The following ITPR3 variants were observed in gnomAD, a reference collection of about 807,000 sequenced individuals.
ITPR3 encodes inositol 1,4,5-trisphosphate-gated calcium channel ITPR3.
Under a neutral mutation model 293.2 loss-of-function variants are expected in ITPR3, and 173 were observed. The observed-to-expected ratio is 0.59, with a 90% CI of 0.52 to 0.67. The LOEUF (loss-of-function observed/expected upper bound fraction) is 0.67, where lower values mean the gene tolerates loss of function less well. Ranked by LOEUF, ITPR3 falls within the 30% of genes least tolerant of loss-of-function variation. The pLI, the probability that ITPR3 is intolerant of heterozygous loss-of-function variation, is 0.00. For missense variants in ITPR3, 2,796 were observed against 3,592.1 expected, an observed-to-expected ratio of 0.78 and a Z score of 5.66; for synonymous variants, 1,295 against 1,444.4, an observed-to-expected ratio of 0.90 and a Z score of 2.35.
At chr6:33,628,694 TC>T (rs1430899300) in intron 1 of ITPR3, among the ~76,000 whole-genome samples, 3 of 152,120 alleles carry the variant, frequency 2.0e-5, no homozygotes, top group Non-Finnish European at 4.4e-5. Context: ...TGCAGAGGCT[TC>T]AGTGAGGGAG....
Position 33,677,015 on chromosome 6 carries a change from C to A in ITPR3, c.3448C>A (p.Arg1150Ser). The A allele has an allele frequency of 6.2e-7, 1 of 1,614,122 alleles. No homozygotes were observed. Among genetic ancestry groups the A allele is most frequent in the Non-Finnish European group, 8.5e-7 (1 of 1,179,982 alleles). Residue 1150 changes from arginine to serine, a missense_variant and splice_region_variant, in exon 27 of 58, where the codon CGT becomes AGT. Arg to Ser is a moderately radical substitution (Grantham distance 110). Around this residue, in one of 8 missense-constraint regions of ITPR3, gnomAD observed 344 missense variants for 460.3 expected, o/e 0.75. Coordinates refer to ENST00000605930, the MANE Select transcript of ITPR3 (RefSeq NM_002224.4). ...ATCTCCTTCCTCTCTCTGCTTTCAG[C>A]GTCCCACGGACGAGGAGGGCTTTCT... is the stretch of plus-strand genomic sequence containing the variant. ...EAGAAKDKKE[R>S]PTDEEGFLHP...
At position 33,695,898 on chromosome 6, in the gene ITPR3, C is replaced by CTGGGTG; in HGVS notation, c.*119_*120insGGGTGT. On this transcript the variant is annotated 3_prime_UTR_variant, in exon 58 of 58. Transcript: ENST00000605930. The stretch of plus-strand genomic sequence containing the variant: ...GCCAGCTGGCCAGCCTCCACTCCCA[C>CTGGGTG]TCTGCCAGACACCCTGACACCCACC... 1.1e-6 allele frequency: 1 copy of CTGGGTG among 897,324 alleles called. No homozygotes were observed. The highest frequency in any genetic ancestry group is 1.8e-6 in the Non-Finnish European group (1 of 561,896). The allele number at this position is 897,324 out of a possible 1,614,324, so 55.6% of individuals were successfully genotyped here.
Position 33,621,506 on chromosome 6 carries a change from C to T in ITPR3, c.-97C>T. 2 of 824,574 alleles carry T rather than the reference C, an allele frequency of 2.4e-6. No individual in the cohort carries two copies. The highest frequency in any genetic ancestry group is 4.0e-6 in the Non-Finnish European group (2 of 506,302). The allele number at this position is 824,574 out of a possible 1,614,324, so 51.1% of individuals were successfully genotyped here. A position where few individuals can be genotyped will look rare whatever the true frequency, so the allele number is the denominator to read the frequency against. ...CGTCGGGATCCGAGGTGGGAGCGTA[C>T]CCCTCCCCGCTCCCCGGACGCCTCA... On this transcript the variant is annotated 5_prime_UTR_variant, in exon 1 of 58. Transcript: ENST00000605930. This position sits in a 1 kb window ranked among gnomAD's most constrained non-coding sequence, Gnocchi z 7.7.
In ITPR3 at chr6:33,640,455, C is replaced by T. The variant is rs562198727; in HGVS notation, c.90-29C>T. ...ACTGTGGGAGATAGGTCTCTTCTCT[C>T]CTGCTGACCGAGCTGCTTTGTTCCC... On this transcript the variant is annotated intron_variant, in intron 1 of 57. Coordinates refer to ENST00000605930, the MANE Select transcript of ITPR3 (RefSeq NM_002224.4). 1.1e-5 allele frequency: 17 copies of T among 1,607,674 alleles called. No individual in the cohort carries two copies. In the South Asian group the frequency reaches 1.9e-4, roughly 18 times the overall value.
At chr6:33,628,969 A>C (rs1763611288) in intron 1 of ITPR3, among the ~76,000 whole-genome samples, 1 of 152,264 alleles carries the variant, frequency 6.6e-6, no homozygotes, top group Admixed American at 6.5e-5. Context: ...AGGTAATGGG[A>C]GGGAAAATTA....
At chr6:33,649,171 G>A (rs1297775001) in intron 2 of ITPR3, among the ~76,000 whole-genome samples, 4 of 151,970 alleles carry the variant, frequency 2.6e-5, no homozygotes, top group Admixed American at 2.0e-4. Flanking sequence ...CCAAAGTGCT[G>A]GGATTACAGG....
intron 1 of ITPR3, among the ~76,000 whole-genome samples, chr6:33,639,879 G>C (rs1451841498): frequency 6.6e-6 from 1 of 152,092 alleles, no homozygotes; most frequent in African/African-American, 2.4e-5. Flanking sequence ...GTCCTAGGGT[G>C]AACCAAGGAG....
At chr6:33,635,980 G>C (rs1272062229) in intron 1 of ITPR3, among the ~76,000 whole-genome samples, 3 of 151,910 alleles carry the variant, frequency 2.0e-5, no homozygotes. Context: ...GGCCTGATTT[G>C]ACTTACCTTT....
At chr6:33,686,622 G>T in intron 43 of ITPR3, 103 bp downstream of exon 43, 1 of 895,428 alleles carries the variant, frequency 1.1e-6, no homozygotes, top group Non-Finnish European at 1.9e-6. Flanking sequence ...TGTAATGTGG[G>T]TGTTAGCATT....
chr6:33,625,478 C>G (rs975600950), intron 1 of ITPR3, among the ~76,000 whole-genome samples: 7 of 152,282 alleles, frequency 4.6e-5, no homozygotes, highest in Admixed American at 4.6e-4. Flanking sequence ...ATCCGCCTGC[C>G]TCGGCCTCCC....
intron 27 of ITPR3, 86 bp from the exon 28 acceptor site, chr6:33,677,418 C>T (rs1764936420): frequency 6.4e-7 from 1 of 1,565,068 alleles, no homozygotes; most frequent in Middle Eastern, 1.8e-4. Context: ...GTCCCGGGTG[C>T]CAGCTGGAAC....
At position 33,670,826 on chromosome 6, in the gene ITPR3, G is replaced by A; in HGVS notation, c.2586+11G>A. ...AAGCTCACTTTTGAGGTGGCTGGGGGAGTGCCCAGGGGCTGGGGGTCCGTG... is the reference window on the plus strand; with the variant it reads ...AAGCTCACTTTTGAGGTGGCTGGGGAAGTGCCCAGGGGCTGGGGGTCCGTG... On this transcript the variant is annotated intron_variant, in intron 20 of 57. Transcript: ENST00000605930. This position sits in a 1 kb window ranked among gnomAD's most constrained non-coding sequence, Gnocchi z 6.7. 6.2e-7 allele frequency: 1 copy of A among 1,612,534 alleles called. No homozygotes were observed. Among genetic ancestry groups the A allele is most frequent in the East Asian group, 2.2e-5 (1 of 44,874 alleles).
At chr6:33,678,583 G>A in intron 29 of ITPR3, 40 bp downstream of exon 29, 2 of 1,487,948 alleles carry the variant, frequency 1.3e-6, no homozygotes, top group African/African-American at 2.8e-5. Context: ...CGAGGCGGGG[G>A]ATGGGGGGTG....
rs1763435277 is a variant in ITPR3, at chr6:33,621,516, CTCCCCGG to C, written c.-86_-80del. ...CGAGGTGGGAGCGTACCCCTCCCCG[CTCCCCGG>C]ACGCCTCAGTCCTCCGCACTGAGCT... On this transcript the variant is annotated 5_prime_UTR_variant, in exon 1 of 58. Transcript: ENST00000605930. This position sits in a 1 kb window ranked among gnomAD's most constrained non-coding sequence, Gnocchi z 7.7. 96 of 923,590 alleles carry C rather than the reference CTCCCCGG, an allele frequency of 1.0e-4. No homozygotes were observed. The South Asian group carries it at 1.4e-3, about 13-fold the overall frequency. 57.2% of individuals were successfully genotyped at this position (923,590 alleles called of 1,614,324 possible).
At chr6:33,634,916 C>T (rs1240232442) in intron 1 of ITPR3, among the ~76,000 whole-genome samples, 1 of 152,088 alleles carries the variant, frequency 6.6e-6, no homozygotes, top group Admixed American at 6.5e-5. Flanking sequence ...GGGGACTCTG[C>T]GGCCTCTTCC....
chr6:33,680,678 C>T lies in ITPR3; in HGVS notation c.4474C>T (p.Gln1492Ter), dbSNP rs1317439759. The change falls in exon 33 of 58, where the codon CAG (glutamine) becomes TAG (stop). Residue 1492 changes from glutamine to a stop codon, truncating the protein, a stop_gained and splice_region_variant. Coordinates refer to ENST00000605930, the MANE Select transcript of ITPR3 (RefSeq NM_002224.4). LOFTEE classifies it high-confidence loss of function. ...ATTCTCTGAGAACAGCACTTCCCTG[C>T]AGGTGAGCTTCTCCTCTCCCACCAC... ...SPFSENSTSLQTHQTIVVQLL... is the reference protein window; with the variant it reads ...SPFSENSTSL 1 of 1,611,350 alleles carries T rather than the reference C, an allele frequency of 6.2e-7. No homozygotes were observed. Among genetic ancestry groups the T allele is most frequent in the Non-Finnish European group, 8.5e-7 (1 of 1,177,790 alleles).
chr6:33,668,018 T>C, intron 16 of ITPR3, 54 bp downstream of exon 16: 1 of 1,588,632 alleles, frequency 6.3e-7, no homozygotes, highest in Non-Finnish European at 8.6e-7. Flanking sequence ...CTCCCTTGCC[T>C]GGGTAGAAAC....
At position 33,687,168 on chromosome 6, in the gene ITPR3, G is replaced by T. The variant is rs1765253537; in HGVS notation, c.6076-58G>T. On this transcript the variant is annotated intron_variant, in intron 44 of 57. Coordinates refer to ENST00000605930, the MANE Select transcript of ITPR3 (RefSeq NM_002224.4). This position sits in a 1 kb window ranked among gnomAD's most constrained non-coding sequence, Gnocchi z 5.3. ...GGAGTGTGTTGGGATGGGGATGAGG[G>T]CCCGGCTGGCCCTACCGCCCTAGGA... 1 of 1,594,560 alleles carries T rather than the reference G, an allele frequency of 6.3e-7. No homozygotes were observed. Among genetic ancestry groups the T allele is most frequent in the Non-Finnish European group, 8.6e-7 (1 of 1,163,012 alleles).
chr6:33,680,729 G>T (rs1416336127), intron 33 of ITPR3, 49 bp downstream of exon 33: 11 of 1,579,086 alleles, frequency 7.0e-6, no homozygotes, highest in Non-Finnish European at 9.5e-6. Context: ...CCTAGCTTTT[G>T]TGAAGGGAAG....
Sources: allele counts gnomAD v4.1 joint callset (sites outside exome capture counted in the v4.1 genomes callset), GRCh38; gene constraint gnomAD v4.1.1; regional missense constraint gnomAD v4.1.1; non-coding constraint Gnocchi (gnomAD v3.1); transcripts MANE v1.5; gene names NCBI Gene and HGNC (gene_info 2026-07-23, HGNC 2026-07-21).